HERC5: variants seen among roughly 807,000 people sequenced by gnomAD.
HERC5 encodes the protein HECT and RLD domain containing E3 ubiquitin protein ligase 5.
In HERC5, 99 loss-of-function variants were observed where a neutral mutation model predicts 119.6. The observed-to-expected ratio is 0.83, with a 90% confidence interval of 0.70 to 0.98. The LOEUF (loss-of-function observed/expected upper bound fraction) is 0.98, where lower values mean the gene tolerates loss of function less well. Among genes scored for constraint, HERC5 ranks in the 50% least tolerant of loss-of-function variants. The pLI is 0.00. For synonymous variants in HERC5, 478 were observed against 445.9 expected (o/e 1.07, Z -0.91); for missense variants, 1,267 against 1,241.3 (o/e 1.02, Z -0.31).
At chr4:88,480,357 A>G (rs567386666) in intron 13 of HERC5, among the ~76,000 whole-genome samples, 69 of 151,978 alleles carry the variant, frequency 4.5e-4, no homozygotes, top group Admixed American at 1.1e-3. Flanking sequence ...TTCACTCTGC[A>G]GTATAGTTCA....
chr4:88,468,067 T>G, intron 7 of HERC5: 1 of 216,908 alleles, frequency 4.6e-6, no homozygotes, highest in Non-Finnish European at 8.6e-6. Flanking sequence ...TGATAACATT[T>G]AGCTAATCAA....
intron 16 of HERC5, 123 bp from the exon 17 acceptor site, chr4:88,492,889 C>A: frequency 1.2e-6 from 1 of 808,166 alleles, no homozygotes. Flanking sequence ...GGATACTTAC[C>A]TCAGTGCCTT....
At chr4:88,458,059 C>G in intron 1 of HERC5, 1 of 985,662 alleles carries the variant, frequency 1.0e-6, no homozygotes, top group Non-Finnish European at 1.2e-6. Flanking sequence ...TATCTTGCTG[C>G]GAGTTTATTT....
At chr4:88,480,615 C>G (rs1171744822) in intron 13 of HERC5, among the ~76,000 whole-genome samples, 2 of 152,114 alleles carry the variant, frequency 1.3e-5, no homozygotes, top group Non-Finnish European at 2.9e-5. Flanking sequence ...CTGGTAGTGA[C>G]AAACTTCTAA....
intron 13 of HERC5, among the ~76,000 whole-genome samples, chr4:88,482,690 T>G (rs1741318885): frequency 6.6e-6 from 1 of 152,172 alleles, no homozygotes; most frequent in African/African-American, 2.4e-5. Flanking sequence ...GACCCCTTAT[T>G]CTGGGGGAAG....
intron 15 of HERC5, among the ~76,000 whole-genome samples, chr4:88,488,179 G>A (rs982722534): frequency 2.6e-5 from 4 of 151,066 alleles, no homozygotes; most frequent in Non-Finnish European, 4.4e-5. Context: ...AGATAATTTC[G>A]TAGAAGTAAT....
intron 6 of HERC5, among the ~76,000 whole-genome samples, chr4:88,466,061 C>G (rs1000746393): frequency 4.6e-5 from 7 of 150,734 alleles, no homozygotes; most frequent in African/African-American, 1.7e-4. Context: ...AAGTCAAGAC[C>G]AAGTCAAGAG....
At position 88,463,844 on chromosome 4, in the gene HERC5, C is replaced by G; in HGVS notation, c.781-11C>G. ...TTTTCTAGCATCTGATATGACATTC[C>G]CTTTCCTTAGGATGGGCTGCTGTTT... is the stretch of plus-strand genomic sequence containing the variant. On this transcript the variant is annotated splice_polypyrimidine_tract_variant and intron_variant, in intron 5 of 22. Coordinates refer to ENST00000264350, the MANE Select transcript of HERC5 (RefSeq NM_016323.4). The G allele has an allele frequency of 1.2e-6, 2 of 1,612,196 alleles. No individual in the cohort carries two copies. Among genetic ancestry groups the G allele is most frequent in the Non-Finnish European group, 8.5e-7 (1 of 1,179,420 alleles).
In HERC5 at chr4:88,499,958, A is replaced by G. The variant is rs1339557442; in HGVS notation, c.2477A>G (p.Asp826Gly). 4 of 1,609,148 alleles carry G rather than the reference A, an allele frequency of 2.5e-6. No individual in the cohort carries two copies. The highest frequency in any genetic ancestry group is 2.2e-5 in the East Asian group (1 of 44,844). ...CAAACACTTCTGGATGATGAAGGTG[A>G]TAACTTTGAGGAAGTATTTTACATC... is the stretch of plus-strand genomic sequence containing the variant. ...NLQTLLDDEG[D>G]NFEEVFYIHF... Residue 826 changes from aspartate (D) to glycine (G), a missense_variant, in exon 19 of 23, where the codon GAT (aspartate) becomes GGT (glycine). Physicochemically the swap from Asp to Gly is moderately conservative, Grantham distance 94. Around this residue, in one of 3 missense-constraint regions of HERC5, gnomAD observed 473 missense variants for 445.7 expected, o/e 1.06. Coordinates refer to ENST00000264350, the MANE Select transcript of HERC5 (RefSeq NM_016323.4).
chr4:88,495,776 A>T (rs1741778585), intron 18 of HERC5, among the ~76,000 whole-genome samples: 1 of 152,194 alleles, frequency 6.6e-6, no homozygotes, highest in South Asian at 2.1e-4. Flanking sequence ...AAAGCACAAG[A>T]TTTAGAAAGA....
intron 6 of HERC5, among the ~76,000 whole-genome samples, chr4:88,465,348 C>G (rs1740623974): frequency 6.6e-6 from 1 of 152,168 alleles, no homozygotes; most frequent in Admixed American, 6.5e-5. Flanking sequence ...AAACGTAGAG[C>G]AAAATTCAGA....
rs760371054 is a variant in HERC5, at chr4:88,486,199, T to A, written c.1822T>A (p.Cys608Ser). 4 of 1,610,714 alleles carry A rather than the reference T, an allele frequency of 2.5e-6. No individual in the cohort carries two copies. In the East Asian group the frequency reaches 8.9e-5, roughly 36 times the overall value. The change falls in exon 14 of 23, where the codon TGC (cysteine) becomes AGC (serine). Residue 608 changes from cysteine to serine, a missense_variant. Cys to Ser is a moderately radical substitution (Grantham distance 112, BLOSUM62 -1). This residue lies in a region of HERC5 where 777 missense variants were observed against 758.0 expected (regional missense o/e 1.03). Coordinates refer to ENST00000264350, the MANE Select transcript of HERC5 (RefSeq NM_016323.4). ...CCGTCTCAATTTTTTTGTAGAAGTA[T>A]GCAGAAGGTACTTGTGGAAAATGAC... ...LHRLNFFVEV[C>S]RRYLWKMTVD...
chr4:88,480,748 T>C (rs1248367170), intron 13 of HERC5, among the ~76,000 whole-genome samples: 3 of 152,218 alleles, frequency 2.0e-5, no homozygotes, highest in Non-Finnish European at 4.4e-5. Context: ...TTAATTGTAT[T>C]TCCCTGGTTC....
intron 14 of HERC5, 47 bp downstream of exon 14, chr4:88,486,275 A>G (rs772251327): frequency 6.0e-6 from 7 of 1,157,160 alleles, no homozygotes; most frequent in Non-Finnish European, 9.0e-6. Context: ...CAGTGAGTTA[A>G]TACAGGCATT....
chr4:88,497,417 G>A (rs953135328), intron 18 of HERC5, among the ~76,000 whole-genome samples: 1 of 152,170 alleles, frequency 6.6e-6, no homozygotes, highest in Non-Finnish European at 1.5e-5. Flanking sequence ...TGGAAGTGAG[G>A]AACACATTGG....
chr4:88,470,604 A>G lies in HERC5; in HGVS notation c.1239-10A>G, dbSNP rs182557157. The G allele has an allele frequency of 5.2e-3, 7,626 of 1,468,128 alleles. 54 individuals carry two copies. Among genetic ancestry groups the G allele is most frequent in the South Asian group, 0.022 (1,887 of 85,922 alleles). The allele number at this position is 1,468,128 out of a possible 1,614,324, so 90.9% of individuals were successfully genotyped here. A position where few individuals can be genotyped will look rare whatever the true frequency, so the allele number is the denominator to read the frequency against. Reference sequence around the variant, plus strand: ...GATTTGGTTTAACCAGTGTCTTATTACTAATATAGGGAAATCCAAGAGATA... The same window carrying G: ...GATTTGGTTTAACCAGTGTCTTATTGCTAATATAGGGAAATCCAAGAGATA... On this transcript the variant is annotated splice_polypyrimidine_tract_variant and intron_variant, in intron 9 of 22. Transcript: ENST00000264350.
At chr4:88,471,783 C>G (rs374096805) in intron 10 of HERC5, among the ~76,000 whole-genome samples, 1 of 152,090 alleles carries the variant, frequency 6.6e-6, no homozygotes, top group Non-Finnish European at 1.5e-5. Context: ...CTTTTCAGTC[C>G]ATTTAACGGG....
chr4:88,463,412 T>G (rs1431090984), intron 4 of HERC5, 120 bp from the exon 5 acceptor site: 1 of 661,146 alleles, frequency 1.5e-6, no homozygotes, highest in Non-Finnish European at 2.7e-6. Context: ...CATAGAGCCT[T>G]TCTTGTCAGA....
chr4:88,500,768 T>C (rs1741923893), intron 19 of HERC5, 147 bp from the exon 20 acceptor site: 2 of 632,526 alleles, frequency 3.2e-6, no homozygotes, highest in East Asian at 5.6e-5. Context: ...TGTAATTTTT[T>C]GTTTGTACAT....
Sources: allele counts gnomAD v4.1 joint callset (sites outside exome capture counted in the v4.1 genomes callset), GRCh38; gene constraint gnomAD v4.1.1; regional missense constraint gnomAD v4.1.1; transcripts MANE v1.5; gene names NCBI Gene and HGNC (gene_info 2026-07-23, HGNC 2026-07-21).